Variants in PI4K2A observed in about 807,000 individuals in gnomAD.
The protein encoded by PI4K2A is phosphatidylinositol 4-kinase type 2-alpha.
Under a neutral mutation model 55.0 loss-of-function variants are expected in PI4K2A, and 20 were observed. That is an observed-to-expected ratio of 0.36 (90% confidence interval 0.26 to 0.53). PI4K2A has a LOEUF of 0.53. PI4K2A is among the 20% of genes least tolerant of loss of function. The pLI is 0.91. For synonymous variants in PI4K2A, 235 were observed against 258.5 expected (o/e 0.91, Z 0.87); for missense variants, 463 against 637.1 (o/e 0.73, Z 2.94).
intron 1 of PI4K2A, among the ~76,000 whole-genome samples, chr10:97,649,609 ATTTTTTTTTTTTT>A (rs60329004): frequency 0.11 from 8,010 of 70,782 alleles, 551 homozygotes; most frequent in East Asian, 0.25. Flanking sequence ...TCCATAATAG[ATTTTTTTTTTTTT>A]TTTTTTTTTT....
intron 8 of PI4K2A, 36 bp downstream of exon 8, chr10:97,667,156 C>CT (rs751665193): frequency 2.7e-6 from 4 of 1,490,050 alleles, no homozygotes; most frequent in Non-Finnish European, 3.7e-6. Flanking sequence ...TCTTTGGCGT[C>CT]TCTGGGAGTG....
intron 2 of PI4K2A, among the ~76,000 whole-genome samples, chr10:97,655,385 A>AG (rs2041548346): frequency 6.6e-6 from 1 of 151,074 alleles, no homozygotes; most frequent in Admixed American, 6.6e-5. Context: ...AAAAAAAAAA[A>AG]AAAAATTTTT....
intron 5 of PI4K2A, 152 bp from the exon 6 acceptor site, chr10:97,664,733 T>A (rs969462458): frequency 1.7e-6 from 1 of 597,492 alleles, no homozygotes; most frequent in African/African-American, 1.9e-5. Flanking sequence ...TAAGTTCAGA[T>A]AACAACATGG....
At chr10:97,665,673 A>G (rs987861076) in intron 6 of PI4K2A, among the ~76,000 whole-genome samples, 1 of 150,168 alleles carries the variant, frequency 6.7e-6, no homozygotes, top group Non-Finnish European at 1.5e-5. Flanking sequence ...GCTCACTGCA[A>G]CCTCCTCCTC....
rs1464840060 is a variant in PI4K2A at position 97,664,912 on chromosome 10, C to T, written c.1012C>T (p.Pro338Ser). ...CACAGACTGGGTGGTGGTGAAGGAG[C>T]CTGTTATCAAGGTGGCTGCCATAGA... is the stretch of plus-strand genomic sequence containing the variant. Residue 338 changes from proline (P) to serine (S), a missense_variant, in exon 6 of 9, where the codon CCT becomes TCT. By Grantham distance (74) the Pro-to-Ser change is moderately conservative. Transcript: ENST00000370631. The T allele has an allele frequency of 5.0e-6, 8 of 1,613,762 alleles. No homozygotes were observed. In the East Asian group the frequency reaches 1.6e-4, roughly 31 times the overall value.
chr10:97,669,915 C>CT (rs1461164632), intron 8 of PI4K2A, among the ~76,000 whole-genome samples: 2 of 151,846 alleles, frequency 1.3e-5, no homozygotes, highest in South Asian at 2.1e-4. Flanking sequence ...TTTTTCTTTT[C>CT]TTTTTTTTAA....
At chr10:97,640,807 C>G in exon 1 of PI4K2A, 1 of 1,473,274 alleles carries the variant, frequency 6.8e-7, no homozygotes, top group Non-Finnish European at 9.0e-7. Flanking sequence ...ACCTTCCCGT[C>G]GGGCTCGGGC....
intron 2 of PI4K2A, 44 bp downstream of exon 2, chr10:97,651,185 T>C: frequency 6.8e-7 from 1 of 1,470,208 alleles, no homozygotes; most frequent in Non-Finnish European, 9.5e-7. Flanking sequence ...TGGCCACAGT[T>C]TTCCTGGGGC....
exon 1 of PI4K2A, chr10:97,640,898 G>A (rs1245305659): frequency 1.6e-6 from 2 of 1,290,124 alleles, no homozygotes; most frequent in Non-Finnish European, 2.0e-6. Context: ...CGGGCTCGCC[G>A]GGCCACGACC....
At chr10:97,672,722 G>GTTTTTTTTTTTTTTTTTTTTTTTTTTTTT (rs201709914) in intron 8 of PI4K2A, among the ~76,000 whole-genome samples, 4 of 94,790 alleles carry the variant, frequency 4.2e-5, no homozygotes, top group Admixed American at 1.1e-4. Context: ...CAGAGGGTCT[G>GTTTTTTTTTTTTTTTTTTTTTTTTTTTTT]TTCTTTTTTT....
chr10:97,673,005 G>C (rs1032125290), intron 8 of PI4K2A, among the ~76,000 whole-genome samples: 1 of 149,498 alleles, frequency 6.7e-6, no homozygotes, highest in African/African-American at 2.5e-5. Flanking sequence ...TGTTTTTTGA[G>C]ATGGAGTCTC....
exon 1 of PI4K2A, chr10:97,641,040 G>C (rs1465779001): frequency 1.9e-6 from 3 of 1,597,668 alleles, no homozygotes; most frequent in East Asian, 2.3e-5. Flanking sequence ...GGCCCACCGC[G>C]AGCGGAACGA....
intron 1 of PI4K2A, among the ~76,000 whole-genome samples, chr10:97,648,778 T>C (rs2041517236): frequency 6.6e-6 from 1 of 152,180 alleles, no homozygotes; most frequent in South Asian, 2.1e-4. Context: ...TGCTTTGTTA[T>C]TCAGAGGCTG....
chr10:97,642,352 T>C (rs1014456486), intron 1 of PI4K2A, among the ~76,000 whole-genome samples: 1 of 151,772 alleles, frequency 6.6e-6, no homozygotes, highest in South Asian at 2.1e-4. Flanking sequence ...ATAAACTGAG[T>C]TGGGGAAAGC....
chr10:97,665,008 C>T (rs763025156), intron 6 of PI4K2A, 24 bp downstream of exon 6: 3 of 1,408,064 alleles, frequency 2.1e-6, no homozygotes, highest in Non-Finnish European at 3.0e-6. Flanking sequence ...CAATGGTGGT[C>T]TGGCTCTTCC....
At chr10:97,646,143 T>C (rs1414880442) in intron 1 of PI4K2A, among the ~76,000 whole-genome samples, 2 of 152,132 alleles carry the variant, frequency 1.3e-5, no homozygotes, top group Non-Finnish European at 2.9e-5. Flanking sequence ...ATGTGTGATA[T>C]TGAAACAGAT....
chr10:97,655,551 A>T (rs2041549930), intron 2 of PI4K2A, among the ~76,000 whole-genome samples: 1 of 151,956 alleles, frequency 6.6e-6, no homozygotes, highest in Non-Finnish European at 1.5e-5. Context: ...AAGTGGTTTA[A>T]TACAATTGGA....
At chr10:97,658,269 G>T (rs887594164) in intron 4 of PI4K2A, among the ~76,000 whole-genome samples, 2 of 152,172 alleles carry the variant, frequency 1.3e-5, no homozygotes, top group Admixed American at 1.3e-4. Context: ...AGTACCTCAT[G>T]TAAGTGGAAT....
At position 97,651,015 on chromosome 10, in the gene PI4K2A, G is replaced by C. The variant is rs149096030; in HGVS notation, c.510G>C (p.Leu170=). Residue 170 remains leucine (L), a synonymous_variant, in exon 2 of 9, where the codon CTG becomes CTC. Coordinates refer to ENST00000370631, the Ensembl canonical transcript of PI4K2A. ...TTAATCCTAAGTGGACCAAGTGGCTGCAGAAGCTGTGCTGTCCTTGCTGCT... is the reference window on the plus strand; with the variant it reads ...TTAATCCTAAGTGGACCAAGTGGCTCCAGAAGCTGTGCTGTCCTTGCTGCT... The C allele has an allele frequency of 1.5e-5, 25 of 1,614,078 alleles. No individual in the cohort carries two copies. The African/African-American group carries it at 3.3e-4, about 22-fold the overall frequency.
Sources: allele counts gnomAD v4.1 joint callset (sites outside exome capture counted in the v4.1 genomes callset), GRCh38; gene constraint gnomAD v4.1.1; transcripts MANE v1.5; gene names NCBI Gene and HGNC (gene_info 2026-07-23, HGNC 2026-07-21).